RYR2: variants seen among roughly 807,000 people sequenced by gnomAD.
RYR2 encodes the protein cardiac muscle ryanodine receptor-calcium release channel.
RYR2 carries 227 observed loss-of-function variants against 601.1 expected under a neutral mutation model. The ratio of observed to expected loss-of-function variants is 0.38; its 90% CI spans 0.34 to 0.42. RYR2 has a LOEUF of 0.42. RYR2 is among the 10% of genes least tolerant of loss of function. The pLI is 1.00. For missense variants in RYR2, 4,646 were observed against 6,156.5 expected (o/e 0.75, Z 8.21); for synonymous variants, 2,223 against 2,175.1 (o/e 1.02, Z -0.61).
chr1:237,438,901 A>G (rs975691648), intron 12 of RYR2, among the ~76,000 whole-genome samples: 5 of 152,234 alleles, frequency 3.3e-5, no homozygotes, highest in African/African-American at 4.8e-5. Flanking sequence ...TCCAAATTTT[A>G]TAATAGTTTC....
At chr1:237,753,677 T>C (rs924054345) in intron 80 of RYR2, among the ~76,000 whole-genome samples, 2 of 152,182 alleles carry the variant, frequency 1.3e-5, no homozygotes, top group African/African-American at 4.8e-5. Context: ...GAAATAACCT[T>C]GAAATAACAC....
intron 53 of RYR2, among the ~76,000 whole-genome samples, 159 bp from the exon 54 acceptor site, chr1:237,657,782 ATTG>A (rs1262763007): frequency 7.9e-5 from 12 of 152,074 alleles, no homozygotes; most frequent in Admixed American, 2.6e-4. Context: ...CTTTTCTTAT[ATTG>A]TTGTGAAAAT....
chr1:237,294,033 GA>G (rs763624566), intron 2 of RYR2, among the ~76,000 whole-genome samples: 6 of 152,138 alleles, frequency 3.9e-5, no homozygotes, highest in Non-Finnish European at 7.4e-5. Context: ...AGCCTACCAA[GA>G]GTCACCTCTT....
intron 8 of RYR2, among the ~76,000 whole-genome samples, chr1:237,386,890 T>G (rs1572090472): frequency 1.3e-5 from 2 of 152,326 alleles, no homozygotes; most frequent in South Asian, 4.1e-4. Flanking sequence ...CTTGGTCCAA[T>G]AGATTTCACT....
intron 101 of RYR2, among the ~76,000 whole-genome samples, chr1:237,826,285 A>T (rs1204580210): frequency 6.6e-6 from 1 of 152,188 alleles, no homozygotes; most frequent in Non-Finnish European, 1.5e-5. Context: ...TCAATGATAG[A>T]CTAGATTTTA....
intron 84 of RYR2, among the ~76,000 whole-genome samples, chr1:237,761,797 C>T (rs894341969): frequency 6.6e-6 from 1 of 151,906 alleles, no homozygotes; most frequent in African/African-American, 2.4e-5. Flanking sequence ...CTCAGGGCCC[C>T]GTATGTTTAT....
intron 84 of RYR2, among the ~76,000 whole-genome samples, chr1:237,764,166 C>T (rs950669106): frequency 6.6e-6 from 1 of 152,136 alleles, no homozygotes; most frequent in African/African-American, 2.4e-5. Context: ...CTTTTGATAC[C>T]CGCAACCCTC....
At chr1:237,172,330 A>G (rs1677495257) in intron 1 of RYR2, among the ~76,000 whole-genome samples, 1 of 152,200 alleles carries the variant, frequency 6.6e-6, no homozygotes, top group South Asian at 2.1e-4. Flanking sequence ...GTTTTCATCA[A>G]GGGAACAGTG....
In RYR2 at chr1:237,292,637, A is replaced by T. The variant is rs558560438; in HGVS notation, c.168+22021A>T. Among the ~76,000 whole-genome samples the T allele has an allele frequency of 3.2e-4, 49 of 152,328 alleles. 1 individual carries two copies. In the South Asian group the frequency reaches 0.01, roughly 32 times the overall value. On this transcript the variant is annotated intron_variant, in intron 2 of 104. Coordinates refer to ENST00000366574, the MANE Select transcript of RYR2 (RefSeq NM_001035.3). ...TAAACATAAGCAGCAAACACTCAAG[A>T]AGTTAATCTGGGAAGTTTTTGATGC...
At chr1:237,158,480 T>C (rs1203538344) in intron 1 of RYR2, among the ~76,000 whole-genome samples, 1 of 152,212 alleles carries the variant, frequency 6.6e-6, no homozygotes, top group Non-Finnish European at 1.5e-5. Context: ...AGGAGGAAAT[T>C]GGTGATGTTT....
At chr1:237,149,836 A>AT (rs2148808682) in intron 1 of RYR2, among the ~76,000 whole-genome samples, 2 of 152,296 alleles carry the variant, frequency 1.3e-5, no homozygotes, top group East Asian at 3.9e-4. Flanking sequence ...CTTTCTGGGA[A>AT]TTTTTAGGTG....
At chr1:237,565,167 CTT>C (rs869273086) in intron 27 of RYR2, among the ~76,000 whole-genome samples, 28 of 20,402 alleles carry the variant, frequency 1.4e-3, no homozygotes, top group South Asian at 3.5e-3. Flanking sequence ...CTCTTTCTTT[CTT>C]TCTTTCTTTC....
intron 80 of RYR2, 35 bp from the exon 81 acceptor site, chr1:237,756,253 T>C: frequency 7.2e-7 from 1 of 1,395,058 alleles, no homozygotes; most frequent in Non-Finnish European, 1.0e-6. Flanking sequence ...TGCTTACTGA[T>C]ACCCTCAACA....
At chr1:237,182,080 T>G (rs1489330048) in intron 1 of RYR2, among the ~76,000 whole-genome samples, 1 of 151,402 alleles carries the variant, frequency 6.6e-6, no homozygotes, top group Non-Finnish European at 1.5e-5. Context: ...ATATGTAGAT[T>G]ATGTGAGATG....
At chr1:237,357,443 G>A (rs555313664) in intron 4 of RYR2, among the ~76,000 whole-genome samples, 47 of 152,184 alleles carry the variant, frequency 3.1e-4, no homozygotes, top group African/African-American at 1.1e-3. Flanking sequence ...GCCATATCTG[G>A]ATTGGTATTG....
intron 1 of RYR2, among the ~76,000 whole-genome samples, chr1:237,088,656 A>C (rs940060949): frequency 6.6e-6 from 1 of 152,206 alleles, no homozygotes; most frequent in African/African-American, 2.4e-5. Context: ...TAAACCAGGG[A>C]TTCAGAAATT....
At chr1:237,265,482 C>T (rs886122507) in intron 1 of RYR2, among the ~76,000 whole-genome samples, 36 of 151,856 alleles carry the variant, frequency 2.4e-4, no homozygotes, top group African/African-American at 5.8e-4. Flanking sequence ...CTACCACACC[C>T]GGCTAATTTT....
intron 81 of RYR2, 55 bp downstream of exon 81, chr1:237,756,442 C>A (rs2149262385): frequency 8.6e-7 from 1 of 1,156,280 alleles, no homozygotes; most frequent in South Asian, 1.4e-5. Context: ...TTCCTCGTTG[C>A]TCTCAAGGTC....
chr1:237,831,990 T>C (rs1314266528), intron 104 of RYR2, among the ~76,000 whole-genome samples: 1 of 152,188 alleles, frequency 6.6e-6, no homozygotes, highest in Non-Finnish European at 1.5e-5. Context: ...AGTTTGAATT[T>C]GAAGGATACG....
Sources: allele counts gnomAD v4.1 joint callset (sites outside exome capture counted in the v4.1 genomes callset), GRCh38; gene constraint gnomAD v4.1.1; transcripts MANE v1.5; gene names NCBI Gene and HGNC (gene_info 2026-07-23, HGNC 2026-07-21).